Variants in ROCK1 observed in about 807,000 individuals in gnomAD.
The protein encoded by ROCK1 is rho-associated protein kinase 1.
ROCK1 carries 36 observed loss-of-function variants against 196.8 expected under a neutral mutation model. The ratio of observed to expected loss-of-function variants is 0.18; its 90% confidence interval spans 0.14 to 0.24. The LOEUF (loss-of-function observed/expected upper bound fraction) is 0.24. Ranked by LOEUF, ROCK1 falls within the 10% of genes least tolerant of loss-of-function variation. The pLI is 1.00. For synonymous variants in ROCK1, 443 were observed against 515.9 expected, an observed-to-expected ratio of 0.86 and a Z score of 1.91; for missense variants, 920 against 1,562.0, an observed-to-expected ratio of 0.59 and a Z score of 6.93.
intron 2 of ROCK1, among the ~76,000 whole-genome samples, 160 bp downstream of exon 2, chr18:21,070,372 C>T (rs2036373552): frequency 1.3e-5 from 2 of 152,080 alleles, no homozygotes; most frequent in Non-Finnish European, 2.9e-5. Context: ...TCCTAACAGG[C>T]ATCCAAATTG....
In ROCK1 at chr18:20,958,882, AATAT is replaced by A. The variant is rs1555743038; in HGVS notation, c.3512+954_3512+957del. ...ATAAAATATATATATTATATATATA[AATAT>A]ATATATTTATTTATATATATATATT... On this transcript the variant is annotated intron_variant, in intron 29 of 32. Coordinates refer to ENST00000399799, the MANE Select transcript of ROCK1 (RefSeq NM_005406.3). Among the ~76,000 whole-genome samples the A allele has an allele frequency of 3.3e-4, 9 of 26,876 alleles. No homozygotes were observed. The East Asian group carries it at 0.028, about 84-fold the overall frequency. 17.6% of individuals were successfully genotyped at this position (26,876 alleles called of 152,430 possible). A position where few individuals can be genotyped will look rare whatever the true frequency, so the allele number is the denominator to read the frequency against.
chr18:20,988,765 A>G (rs1186510736), intron 18 of ROCK1, among the ~76,000 whole-genome samples: 1 of 152,004 alleles, frequency 6.6e-6, no homozygotes, highest in Non-Finnish European at 1.5e-5. Flanking sequence ...ATTAATATGT[A>G]TTTCCTTCCC....
intron 1 of ROCK1, among the ~76,000 whole-genome samples, chr18:21,088,846 T>C (rs2036547983): frequency 6.6e-6 from 1 of 152,128 alleles, no homozygotes; most frequent in African/African-American, 2.4e-5. Context: ...CCTTCTTGGA[T>C]TCAGAGACTA....
At chr18:20,990,425 A>G (rs1457727999) in intron 18 of ROCK1, among the ~76,000 whole-genome samples, 2 of 149,248 alleles carry the variant, frequency 1.3e-5, no homozygotes, top group African/African-American at 4.9e-5. Flanking sequence ...AAAAATGGAA[A>G]GCATTGCCAG....
chr18:21,072,928 A>G (rs2036397422), intron 1 of ROCK1, among the ~76,000 whole-genome samples: 1 of 151,800 alleles, frequency 6.6e-6, no homozygotes, highest in African/African-American at 2.4e-5. Context: ...AAAATTAGTC[A>G]GGCATGGTGG....
chr18:21,028,736 A>C, intron 10 of ROCK1, 40 bp downstream of exon 10: 1 of 1,520,334 alleles, frequency 6.6e-7, no homozygotes, highest in Non-Finnish European at 8.8e-7. Context: ...TAAGAACAAA[A>C]TCAGCACTTA....
chr18:20,961,601 T>C (rs940307138), intron 27 of ROCK1, among the ~76,000 whole-genome samples: 1 of 152,170 alleles, frequency 6.6e-6, no homozygotes, highest in East Asian at 1.9e-4. Context: ...TTTCTGAGCT[T>C]ATGTTTCTAG....
In ROCK1 at chr18:20,950,753, T is replaced by C. The variant is rs2035178512; in HGVS notation, c.*631A>G. ...CCCATTCCCCAAACTTGCTGAAACA[T>C]ATACAGTATTTTGTAAAGCATAATG... On this transcript the variant is annotated 3_prime_UTR_variant, in exon 33 of 33. Transcript: ENST00000399799. The C allele has an allele frequency of 1.3e-5, 2 of 152,584 alleles. No homozygotes were observed. Among genetic ancestry groups the C allele is most frequent in the Non-Finnish European group, 2.9e-5 (2 of 68,032 alleles). The allele number at this position is 152,584 out of a possible 1,614,324, so 9.5% of individuals were successfully genotyped here.
chr18:20,989,972 G>A (rs2035609386), intron 18 of ROCK1, among the ~76,000 whole-genome samples: 1 of 152,180 alleles, frequency 6.6e-6, no homozygotes, highest in Non-Finnish European at 1.5e-5. Flanking sequence ...GCCAAGCATG[G>A]TGGCTCATGC....
chr18:20,993,047 G>A, intron 16 of ROCK1, 110 bp from the exon 17 acceptor site: 1 of 600,822 alleles, frequency 1.7e-6, no homozygotes, highest in Non-Finnish European at 2.9e-6. Context: ...TAAGTTTCCT[G>A]ATCCGATAAG....
intron 1 of ROCK1, among the ~76,000 whole-genome samples, chr18:21,079,061 G>A (rs746447166): frequency 6.6e-6 from 1 of 152,110 alleles, no homozygotes; most frequent in African/African-American, 2.4e-5. Flanking sequence ...ATTCTTGTCT[G>A]GTTTTTGGTC....
chr18:21,110,773 G>A (rs2036743931), intron 1 of ROCK1, 45 bp downstream of exon 1: 10 of 1,464,386 alleles, frequency 6.8e-6, no homozygotes, highest in Non-Finnish European at 8.6e-6. Context: ...AGGAAGGAAA[G>A]ACATGCAAAA....
chr18:20,998,048 G>C (rs1176595474), intron 16 of ROCK1, among the ~76,000 whole-genome samples: 3 of 151,978 alleles, frequency 2.0e-5, no homozygotes, highest in African/African-American at 7.2e-5. Context: ...TGTTGGCCAG[G>C]CTGGTCTCGA....
In ROCK1 at chr18:20,949,855, T is replaced by C. The variant is rs752745086; in HGVS notation, c.*1529A>G. On this transcript the variant is annotated 3_prime_UTR_variant, in exon 33 of 33. Coordinates refer to ENST00000399799, the MANE Select transcript of ROCK1 (RefSeq NM_005406.3). ...TTCATTTCAGCCATGAGAAAACACA[T>C]TGCAGTAAAAATTAAAGATACCCAT... 1.4e-4 allele frequency: 22 copies of C among 152,790 alleles called. No individual in the cohort carries two copies. The highest frequency in any genetic ancestry group is 2.4e-4 in the Non-Finnish European group (16 of 68,030). 9.5% of individuals were successfully genotyped at this position (152,790 alleles called of 1,614,324 possible). A position where few individuals can be genotyped will look rare whatever the true frequency, so the allele number is the denominator to read the frequency against.
Position 21,070,473 on chromosome 18 carries a change from C to T in ROCK1, c.175+59G>A. The T allele has an allele frequency of 4.6e-6, 4 of 873,602 alleles. No homozygotes were observed. In the South Asian group the frequency reaches 6.8e-5, roughly 15 times the overall value. 54.1% of individuals were successfully genotyped at this position (873,602 alleles called of 1,614,324 possible). A position where few individuals can be genotyped will look rare whatever the true frequency, so the allele number is the denominator to read the frequency against. On this transcript the variant is annotated intron_variant, in intron 2 of 32. Transcript: ENST00000399799. ...GAAGAAAAAATAAGGGCTTGAATGA[C>T]ATAAGTGAAAATGTAGTTATATGAA...
chr18:21,109,163 T>C (rs2036727744), intron 1 of ROCK1, among the ~76,000 whole-genome samples: 2 of 152,242 alleles, frequency 1.3e-5, no homozygotes, highest in South Asian at 2.1e-4. Flanking sequence ...TCACATTTTC[T>C]CAATCTGTGA....
At chr18:20,976,392 A>T (rs2143376915) in intron 22 of ROCK1, among the ~76,000 whole-genome samples, 1 of 152,310 alleles carries the variant, frequency 6.6e-6, no homozygotes, top group Non-Finnish European at 1.5e-5. Flanking sequence ...ATACACAAAC[A>T]TACACCTAAA....
intron 19 of ROCK1, among the ~76,000 whole-genome samples, chr18:20,985,487 T>C (rs1207946932): frequency 1.3e-5 from 2 of 152,216 alleles, no homozygotes; most frequent in Admixed American, 1.3e-4. Flanking sequence ...CAAGGCCTTC[T>C]GTAACTCCCA....
intron 8 of ROCK1, among the ~76,000 whole-genome samples, chr18:21,041,438 T>C (rs2036105337): frequency 6.6e-6 from 1 of 152,098 alleles, no homozygotes; most frequent in African/African-American, 2.4e-5. Flanking sequence ...TTAAATATAA[T>C]CTTACTAATA....
Sources: allele counts gnomAD v4.1 joint callset (sites outside exome capture counted in the v4.1 genomes callset), GRCh38; gene constraint gnomAD v4.1.1; transcripts MANE v1.5; gene names NCBI Gene and HGNC (gene_info 2026-07-23, HGNC 2026-07-21).